Variants in KDM4C observed in about 807,000 individuals in gnomAD.
The protein encoded by KDM4C is lysine demethylase 4C.
Under a neutral mutation model 129.3 loss-of-function variants are expected in KDM4C, and 81 were observed. The ratio of observed to expected loss-of-function variants is 0.63; its 90% CI spans 0.52 to 0.75. The LOEUF is 0.75. Ranked by LOEUF, KDM4C falls within the 30% of genes least tolerant of loss-of-function variation. KDM4C has a pLI of 0.00. For synonymous variants in KDM4C, 573 were observed against 456.1 expected, an observed-to-expected ratio of 1.26 and a Z score of -3.26; for missense variants, 1,457 against 1,304.0, an observed-to-expected ratio of 1.12 and a Z score of -1.81.
chr9:6,980,243 A>C (rs2131804464), intron 8 of KDM4C, among the ~76,000 whole-genome samples: 1 of 152,332 alleles, frequency 6.6e-6, no homozygotes, highest in African/African-American at 2.4e-5. Flanking sequence ...TTGCTTAATA[A>C]GATGTGACTG....
At chr9:7,069,339 C>T (rs1005577740) in intron 17 of KDM4C, among the ~76,000 whole-genome samples, 4 of 152,072 alleles carry the variant, frequency 2.6e-5, no homozygotes, top group South Asian at 2.1e-4. Context: ...TAGAATATTA[C>T]GCATATTTAA....
rs35389625 is a variant in KDM4C, at chr9:7,013,909, A to G, written c.2090A>G (p.Asn697Ser). 0.045 allele frequency: 72,408 copies of G among 1,613,956 alleles called. 1,956 individuals are homozygous for G. Among genetic ancestry groups the G allele is most frequent in the South Asian group, 0.093 (8,506 of 91,074 alleles). ...ATGTGTTTTATTTATAGTGAAGAAA[A>G]TATAGAATATTCTCCACCCAATGCC... Reference protein sequence around the residue: ...PEMCFIYSEENIEYSPPNAFL... With the variant: ...PEMCFIYSEESIEYSPPNAFL... The change falls in exon 14 of 22, where the codon AAT becomes AGT. Residue 697 changes from asparagine (N) to serine (S), a missense_variant. Asn to Ser is a conservative substitution (Grantham distance 46, BLOSUM62 1). Transcript: ENST00000381309.
At chr9:6,940,910 T>G (rs1825821822) in intron 8 of KDM4C, among the ~76,000 whole-genome samples, 1 of 152,194 alleles carries the variant, frequency 6.6e-6, no homozygotes, top group Non-Finnish European at 1.5e-5. Context: ...CGTATCATTC[T>G]TTTTGGCTGC....
chr9:6,783,274 C>G (rs530251479), intron 1 of KDM4C, among the ~76,000 whole-genome samples: 4 of 152,166 alleles, frequency 2.6e-5, no homozygotes, highest in African/African-American at 9.6e-5. Context: ...TCAGTGCTGG[C>G]CACAAAGAGG....
rs191588212 is a variant in KDM4C, at chr9:6,880,585, T to C, written c.679+524T>C. On this transcript the variant is annotated intron_variant, in intron 6 of 21. Coordinates refer to ENST00000381309, the MANE Select transcript of KDM4C (RefSeq NM_015061.6). Reference sequence around the variant, plus strand: ...AGGGAAGTGTGAAGGTGAATGGCTCTGAGTAACAATACACATGAGATTTTG... The same window carrying C: ...AGGGAAGTGTGAAGGTGAATGGCTCCGAGTAACAATACACATGAGATTTTG... Among the ~76,000 whole-genome samples the C allele has an allele frequency of 2.0e-3, 312 of 152,286 alleles. 2 individuals carry two copies. Among genetic ancestry groups the C allele is most frequent in the African/African-American group, 7.0e-3 (293 of 41,564 alleles).
chr9:6,820,738 A>G (rs10120603), intron 4 of KDM4C, among the ~76,000 whole-genome samples: 31,485 of 139,944 alleles, frequency 0.22, 3,556 homozygotes, highest in Middle Eastern at 0.24. Flanking sequence ...TTTTTTTGAT[A>G]ATACTTCAAG....
intron 17 of KDM4C, among the ~76,000 whole-genome samples, chr9:7,093,855 A>G (rs1836099108): frequency 6.6e-6 from 1 of 152,184 alleles, no homozygotes; most frequent in Admixed American, 6.5e-5. Flanking sequence ...GAAGTTGAGG[A>G]ATTTCATTCC....
chr9:6,946,217 C>T (rs971643953), intron 8 of KDM4C, among the ~76,000 whole-genome samples: 6 of 152,108 alleles, frequency 3.9e-5, no homozygotes, highest in Admixed American at 6.5e-5. Context: ...ATTATGCTTA[C>T]TGCATTTTCT....
intron 3 of KDM4C, among the ~76,000 whole-genome samples, chr9:6,807,102 C>A (rs1313147096): frequency 2.6e-5 from 4 of 151,936 alleles, no homozygotes; most frequent in African/African-American, 4.8e-5. Context: ...GTTGGCCGGG[C>A]CGGTCTCCAG....
chr9:7,059,989 G>A lies in KDM4C; in HGVS notation c.2424+10789G>A, dbSNP rs187418542. Among the ~76,000 whole-genome samples the A allele has an allele frequency of 4.0e-3, 615 of 152,068 alleles. 7 individuals are homozygous for A. Among genetic ancestry groups the A allele is most frequent in the African/African-American group, 0.013 (553 of 41,492 alleles). ...AACGTTTAAGAGTATAAAAGAGTCC[G>A]GATACCAAAAAGTTTGAAAACCACT... On this transcript the variant is annotated intron_variant, in intron 17 of 21. Transcript: ENST00000381309.
chr9:6,975,476 A>G (rs1450359127), intron 8 of KDM4C, among the ~76,000 whole-genome samples: 1 of 152,154 alleles, frequency 6.6e-6, no homozygotes, highest in Non-Finnish European at 1.5e-5. Context: ...GAAGTGCTAG[A>G]TTTGAATCTA....
At chr9:7,108,073 A>C (rs1837900071) in intron 18 of KDM4C, among the ~76,000 whole-genome samples, 1 of 152,120 alleles carries the variant, frequency 6.6e-6, no homozygotes, top group Non-Finnish European at 1.5e-5. Context: ...TGTGTGCATA[A>C]TGGAAAGCAG....
intron 1 of KDM4C, among the ~76,000 whole-genome samples, chr9:6,787,991 A>G (rs1825823054): frequency 6.6e-6 from 1 of 152,184 alleles, no homozygotes; most frequent in South Asian, 2.1e-4. Flanking sequence ...ACTGAGTTCC[A>G]GCCACACGCA....
intron 17 of KDM4C, among the ~76,000 whole-genome samples, chr9:7,087,007 A>G (rs1460753555): frequency 6.6e-6 from 1 of 152,072 alleles, no homozygotes; most frequent in African/African-American, 2.4e-5. Context: ...GCCAGATGCA[A>G]AATACTGGCT....
At chr9:6,824,695 C>T (rs1833598873) in intron 4 of KDM4C, among the ~76,000 whole-genome samples, 1 of 151,000 alleles carries the variant, frequency 6.6e-6, no homozygotes, top group Non-Finnish European at 1.5e-5. Flanking sequence ...TTAAAACAGT[C>T]CATTATATAT....
intron 17 of KDM4C, among the ~76,000 whole-genome samples, chr9:7,058,566 C>G (rs1057176666): frequency 7.9e-5 from 12 of 152,124 alleles, no homozygotes; most frequent in African/African-American, 2.7e-4. Context: ...CTGGCACTTA[C>G]CATACATCAA....
chr9:6,893,232 G>A lies in KDM4C; in HGVS notation c.921G>A (p.Leu307=). The change falls in exon 8 of 22, where the codon TTG becomes TTA. Residue 307 remains leucine, a splice_region_variant and synonymous_variant. Coordinates refer to ENST00000381309, the MANE Select transcript of KDM4C (RefSeq NM_015061.6). The part of the protein sequence containing the change: ...RWIDYGKVAK[L]CTCRKDMVKI... The stretch of plus-strand genomic sequence containing the variant: ...TTGACTATGGAAAAGTTGCCAAATT[G>A]GTAAGCTATGCCTCAAAAATAAAGC... 1 of 1,606,554 alleles carries A rather than the reference G, an allele frequency of 6.2e-7. No individual in the cohort carries two copies. The highest frequency in any genetic ancestry group is 8.5e-7 in the Non-Finnish European group (1 of 1,176,682).
At chr9:7,061,701 T>TC (rs1831695037) in intron 17 of KDM4C, among the ~76,000 whole-genome samples, 1 of 152,144 alleles carries the variant, frequency 6.6e-6, no homozygotes, top group Non-Finnish European at 1.5e-5. Context: ...TCCACTTTTT[T>TC]CCCAATATCG....
intron 8 of KDM4C, among the ~76,000 whole-genome samples, chr9:6,961,647 G>A (rs1323871632): frequency 1.3e-5 from 2 of 152,120 alleles, no homozygotes; most frequent in East Asian, 3.8e-4. Flanking sequence ...ATTTATCATA[G>A]TAATCCTTGT....
Sources: gnomAD v4.1 joint callset for allele counts (sites outside exome capture counted in the v4.1 genomes callset) on GRCh38, gnomAD v4.1.1 for gene constraint, MANE v1.5 for transcripts, NCBI Gene and HGNC (gene_info 2026-07-23, HGNC 2026-07-21) for gene names.